The following DMXL1 variants were observed in gnomAD, a reference collection of about 807,000 sequenced individuals.
The protein encoded by DMXL1 is dmX-like protein 1.
Under a neutral mutation model 319.2 loss-of-function variants are expected in DMXL1, and 99 were observed. The observed-to-expected ratio is 0.31, with a 90% CI of 0.26 to 0.37. The LOEUF is 0.37. Among genes scored for constraint, DMXL1 ranks in the 10% least tolerant of loss-of-function variants. The pLI, the probability that DMXL1 is intolerant of heterozygous loss-of-function variation, is 1.00. For synonymous variants in DMXL1, 1,385 were observed against 1,235.2 expected (o/e 1.12, Z -2.54); for missense variants, 3,745 against 3,595.6 (o/e 1.04, Z -1.06).
intron 9 of DMXL1, among the ~76,000 whole-genome samples, chr5:119,123,838 A>T (rs1185231059): frequency 2.1e-5 from 3 of 145,754 alleles, no homozygotes; most frequent in East Asian, 4.1e-4. Context: ...TTTTGGAGAA[A>T]ATTGTTTACA....
intron 2 of DMXL1, among the ~76,000 whole-genome samples, chr5:119,098,413 A>G (rs978540719): frequency 9.9e-5 from 15 of 151,504 alleles, no homozygotes; most frequent in African/African-American, 2.9e-4. Context: ...TGAATCTTCA[A>G]TATTTACAAA....
At chr5:119,241,063 T>TCCCCCC (rs1788694009) in intron 42 of DMXL1, among the ~76,000 whole-genome samples, 1 of 152,160 alleles carries the variant, frequency 6.6e-6, no homozygotes, top group African/African-American at 2.4e-5. Flanking sequence ...TAACTACTAA[T>TCCCCCC]AGCCTAGTGT....
At chr5:119,240,338 A>G (rs571441363) in intron 41 of DMXL1, 81 bp from the exon 42 acceptor site, 1 of 951,776 alleles carries the variant, frequency 1.1e-6, no homozygotes, top group East Asian at 2.4e-5. Context: ...GCAAGGTTTA[A>G]AGGTCACACA....
chr5:119,221,067 A>C lies in DMXL1; in HGVS notation c.8263A>C (p.Arg2755=), dbSNP rs545644751. Residue 2755 remains arginine (R), a synonymous_variant, in exon 37 of 44, where the codon AGA becomes CGA. Transcript: ENST00000539542. ...ATGGCTTGGTAGTACACAGACTGGC[A>C]GAGGAGCATCTGTGGTATGTAAAGT... ...MPWLGSTQTG[R]GASVMIKKAI... 47 of 1,611,200 alleles carry C rather than the reference A, an allele frequency of 2.9e-5. No homozygotes were observed. The Middle Eastern group carries it at 5.0e-4, about 17-fold the overall frequency.
intron 19 of DMXL1, among the ~76,000 whole-genome samples, chr5:119,155,636 T>C (rs1282143477): frequency 2.0e-5 from 3 of 151,958 alleles, no homozygotes. Context: ...GCCAGGAGTT[T>C]AGGATCAGCC....
intron 1 of DMXL1, among the ~76,000 whole-genome samples, chr5:119,090,599 T>A (rs1754556123): frequency 6.7e-6 from 1 of 150,214 alleles, no homozygotes; most frequent in Admixed American, 6.6e-5. Flanking sequence ...TTTCACTCTT[T>A]TTGCCCAGGC....
intron 1 of DMXL1, among the ~76,000 whole-genome samples, chr5:119,092,727 G>A (rs1252081090): frequency 6.6e-6 from 1 of 152,110 alleles, no homozygotes; most frequent in Non-Finnish European, 1.5e-5. Context: ...TGCACCAACT[G>A]CCTTACTGAC....
chr5:119,212,186 T>G (rs996410071), intron 34 of DMXL1, among the ~76,000 whole-genome samples: 1 of 152,192 alleles, frequency 6.6e-6, no homozygotes, highest in African/African-American at 2.4e-5. Context: ...ACTGAAACTT[T>G]GTGCCCGCTA....
chr5:119,187,994 T>G (rs1485345575), intron 28 of DMXL1, among the ~76,000 whole-genome samples: 1 of 152,226 alleles, frequency 6.6e-6, no homozygotes, highest in Non-Finnish European at 1.5e-5. Context: ...CTTCCTGGTG[T>G]TGAGTCTGTA....
intron 13 of DMXL1, among the ~76,000 whole-genome samples, chr5:119,140,682 G>A (rs796897549): frequency 3.2e-4 from 48 of 152,236 alleles, no homozygotes; most frequent in African/African-American, 9.9e-4. Context: ...GATGCACAAA[G>A]AAGAGCTGGT....
chr5:119,159,695 C>G (rs1002720242), intron 19 of DMXL1, among the ~76,000 whole-genome samples: 3 of 152,234 alleles, frequency 2.0e-5, no homozygotes, highest in African/African-American at 7.2e-5. Flanking sequence ...CGCCTCGCAG[C>G]TCACTGCGAC....
intron 18 of DMXL1, among the ~76,000 whole-genome samples, chr5:119,151,248 C>A (rs149277075): frequency 6.6e-6 from 1 of 151,532 alleles, no homozygotes; most frequent in South Asian, 2.1e-4. Context: ...AAAATACTGC[C>A]AAGTTATGAA....
chr5:119,121,203 T>G, intron 9 of DMXL1, 64 bp downstream of exon 9: 1 of 1,350,768 alleles, frequency 7.4e-7, no homozygotes, highest in South Asian at 1.8e-5. Flanking sequence ...AACAACTAAG[T>G]TATACTTTTA....
rs150902946 is a variant in DMXL1 at position 119,219,050 on chromosome 5, T to A, written c.8014-1422T>A. 5.1e-4 allele frequency among the ~76,000 whole-genome samples: 78 copies of A among 152,284 alleles called. 1 individual carries two copies. The highest frequency in any genetic ancestry group is 1.8e-3 in the African/African-American group (74 of 41,550). On this transcript the variant is annotated intron_variant, in intron 35 of 43. Coordinates refer to ENST00000539542, the MANE Select transcript of DMXL1 (RefSeq NM_001290321.3). ...TTTTAGTGGATGCTGTTAGAAGACATACGACTCTTGGATCAGAGACAAAGG... is the reference window on the plus strand; with the variant it reads ...TTTTAGTGGATGCTGTTAGAAGACAAACGACTCTTGGATCAGAGACAAAGG...
At position 119,072,405 on chromosome 5, in the gene DMXL1, A is replaced by G. The variant is rs141459504; in HGVS notation, c.87+749A>G. Reference sequence around the variant, plus strand: ...TCAAAATATAAGTCAGTAATTGCACATGATACTTTTATCTACATAAATTTA... The same window carrying G: ...TCAAAATATAAGTCAGTAATTGCACGTGATACTTTTATCTACATAAATTTA... On this transcript the variant is annotated intron_variant, in intron 1 of 43. Transcript: ENST00000539542. 8.5e-3 allele frequency among the ~76,000 whole-genome samples: 1,297 copies of G among 152,264 alleles called. 16 individuals carry two copies. The highest frequency in any genetic ancestry group is 0.029 in the African/African-American group (1,224 of 41,558).
chr5:119,144,486 T>A, intron 14 of DMXL1, 50 bp from the exon 15 acceptor site: 8 of 1,263,196 alleles, frequency 6.3e-6, no homozygotes, highest in Non-Finnish European at 9.0e-6. Context: ...TATTTAGCAT[T>A]AGGTAAATAA....
intron 18 of DMXL1, among the ~76,000 whole-genome samples, chr5:119,150,724 G>A (rs1158826566): frequency 6.6e-6 from 1 of 151,796 alleles, no homozygotes; most frequent in African/African-American, 2.4e-5. Flanking sequence ...CCAGGAGGTT[G>A]AGCTGGCAGT....
In DMXL1 at chr5:119,193,797, G is replaced by T. The variant is rs1442048269; in HGVS notation, c.7315-31G>T. The stretch of plus-strand genomic sequence containing the variant: ...TTGAATGTATTAAATTAGATATGTG[G>T]CTGCTAAATTTCATGATTTCTTTAT... On this transcript the variant is annotated intron_variant, in intron 29 of 43. Coordinates refer to ENST00000539542, the MANE Select transcript of DMXL1 (RefSeq NM_001290321.3). 3.8e-6 allele frequency: 6 copies of T among 1,598,990 alleles called. No homozygotes were observed. The South Asian group carries it at 6.7e-5, about 18-fold the overall frequency.
intron 30 of DMXL1, among the ~76,000 whole-genome samples, chr5:119,195,313 T>G (rs1253826808): frequency 6.6e-6 from 1 of 152,182 alleles, no homozygotes; most frequent in Non-Finnish European, 1.5e-5. Context: ...CTTAGCAGCA[T>G]TATTTACAGT....
Sources: gnomAD v4.1 joint callset for allele counts (sites outside exome capture counted in the v4.1 genomes callset) on GRCh38, gnomAD v4.1.1 for gene constraint, MANE v1.5 for transcripts, NCBI Gene and HGNC (gene_info 2026-07-23, HGNC 2026-07-21) for gene names.